The following PFDN1 variants were observed in gnomAD, a reference collection of about 807,000 sequenced individuals.
PFDN1 encodes the protein prefoldin subunit 1.
In PFDN1, 6 loss-of-function variants were observed where a neutral mutation model predicts 17.3. The observed-to-expected ratio is 0.35, with a 90% CI of 0.19 to 0.69. The LOEUF is 0.69. Among genes scored for constraint, PFDN1 ranks in the 30% least tolerant of loss-of-function variants. PFDN1 has a pLI of 0.65. For missense variants in PFDN1, 113 were observed against 146.2 expected (o/e 0.77, Z 1.17); for synonymous variants, 58 against 50.1 (o/e 1.16, Z -0.67).
intron 3 of PFDN1, among the ~76,000 whole-genome samples, chr5:140,272,224 T>A (rs1483661389): frequency 6.6e-6 from 1 of 152,010 alleles, no homozygotes; most frequent in Non-Finnish European, 1.5e-5. Context: ...TTCACCATAT[T>A]GGCCAGGCTG....
chr5:140,278,572 A>AC (rs1561508644), intron 3 of PFDN1, among the ~76,000 whole-genome samples: 10 of 150,336 alleles, frequency 6.7e-5, no homozygotes, highest in Non-Finnish European at 1.0e-4. Flanking sequence ...AAAAAAAAAA[A>AC]AAAAAAAAAA....
intron 2 of PFDN1, among the ~76,000 whole-genome samples, chr5:140,283,480 G>C (rs184252932): frequency 6.2e-4 from 95 of 152,224 alleles, no homozygotes; most frequent in African/African-American, 2.2e-3. Flanking sequence ...TGATCTGCCC[G>C]CCTCGGCCTC....
At chr5:140,282,466 G>A (rs1393289262) in intron 2 of PFDN1, among the ~76,000 whole-genome samples, 1 of 148,214 alleles carries the variant, frequency 6.7e-6, no homozygotes, top group Non-Finnish European at 1.5e-5. Context: ...ATCAAGCACT[G>A]TGTTAGGATC....
At chr5:140,275,512 A>G (rs948205026) in intron 3 of PFDN1, among the ~76,000 whole-genome samples, 5 of 152,148 alleles carry the variant, frequency 3.3e-5, no homozygotes, top group Non-Finnish European at 7.4e-5. Flanking sequence ...ACCCCTGCCT[A>G]TAAGAGACAA....
chr5:140,287,297 C>A (rs908914694), intron 2 of PFDN1, among the ~76,000 whole-genome samples: 1 of 152,162 alleles, frequency 6.6e-6, no homozygotes, highest in Non-Finnish European at 1.5e-5. Flanking sequence ...ATCGAAGAGT[C>A]GGAGATATCA....
chr5:140,289,504 T>A (rs1218393982), intron 2 of PFDN1, among the ~76,000 whole-genome samples: 1 of 152,130 alleles, frequency 6.6e-6, no homozygotes. Flanking sequence ...AACTACTGTA[T>A]CCATAAATCC....
intron 2 of PFDN1, among the ~76,000 whole-genome samples, chr5:140,292,291 C>T (rs1311195488): frequency 1.3e-5 from 2 of 152,022 alleles, no homozygotes; most frequent in Non-Finnish European, 2.9e-5. Flanking sequence ...AATTACTATC[C>T]AATGAGTATT....
chr5:140,279,786 G>A (rs1021162456), intron 3 of PFDN1, among the ~76,000 whole-genome samples: 7 of 151,768 alleles, frequency 4.6e-5, no homozygotes, highest in African/African-American at 1.4e-4. Context: ...ATCTGAGGTC[G>A]GGAGTTCGAG....
At chr5:140,284,233 A>G (rs1314847713) in intron 2 of PFDN1, among the ~76,000 whole-genome samples, 1 of 152,240 alleles carries the variant, frequency 6.6e-6, no homozygotes, top group Non-Finnish European at 1.5e-5. Context: ...AAGCTGGCCA[A>G]CTTACTACTA....
intron 3 of PFDN1, among the ~76,000 whole-genome samples, chr5:140,259,849 T>C (rs536775891): frequency 6.6e-6 from 1 of 152,308 alleles, no homozygotes; most frequent in East Asian, 1.9e-4. Flanking sequence ...AGCTCCAGAA[T>C]TCCTATTTTC....
chr5:140,252,207 T>C (rs891720207), intron 3 of PFDN1, among the ~76,000 whole-genome samples: 2 of 151,426 alleles, frequency 1.3e-5, no homozygotes, highest in African/African-American at 4.9e-5. Context: ...ACAAAACAGG[T>C]TAAATGGAGC....
At chr5:140,276,779 T>TTAAA (rs1376020882) in intron 3 of PFDN1, among the ~76,000 whole-genome samples, 1 of 24,730 alleles carries the variant, frequency 4.0e-5, no homozygotes, top group Non-Finnish European at 6.7e-5. Flanking sequence ...AGACACCGTC[T>TTAAA]CAAAAAAAAA....
At chr5:140,259,157 G>C (rs1765029119) in intron 3 of PFDN1, among the ~76,000 whole-genome samples, 1 of 152,174 alleles carries the variant, frequency 6.6e-6, no homozygotes, top group African/African-American at 2.4e-5. Context: ...CGTCAGAAAT[G>C]GTTGGGGGCT....
chr5:140,289,237 A>G (rs1361711718), intron 2 of PFDN1, among the ~76,000 whole-genome samples: 1 of 152,066 alleles, frequency 6.6e-6, no homozygotes, highest in Non-Finnish European at 1.5e-5. Flanking sequence ...AGTAAGCCAC[A>G]ATCACACTAC....
chr5:140,252,534 G>A (rs2126678709), intron 3 of PFDN1, among the ~76,000 whole-genome samples: 1 of 152,248 alleles, frequency 6.6e-6, no homozygotes, highest in East Asian at 1.9e-4. Context: ...AAAAACTGAA[G>A]GCAATGGCCA....
chr5:140,291,285 G>A (rs1277106625), intron 2 of PFDN1, among the ~76,000 whole-genome samples: 1 of 152,188 alleles, frequency 6.6e-6, no homozygotes, highest in Non-Finnish European at 1.5e-5. Context: ...CAGGGTGGTG[G>A]TAAGTAGAAG....
At chr5:140,248,072 CTTT>C (rs113993165) in intron 3 of PFDN1, among the ~76,000 whole-genome samples, 2 of 143,000 alleles carry the variant, frequency 1.4e-5, no homozygotes, top group Admixed American at 6.9e-5. Context: ...ATAAACAACT[CTTT>C]TTTTTTTTTT....
At chr5:140,272,958 A>AAGC (rs1294487251) in intron 3 of PFDN1, among the ~76,000 whole-genome samples, 1 of 152,238 alleles carries the variant, frequency 6.6e-6, no homozygotes, top group Non-Finnish European at 1.5e-5. Context: ...ACTGCTGGGC[A>AAGC]TATGTCTTGT....
At chr5:140,268,505 GT>G (rs1343532704) in intron 3 of PFDN1, among the ~76,000 whole-genome samples, 1 of 152,040 alleles carries the variant, frequency 6.6e-6, no homozygotes, top group African/African-American at 2.4e-5. Context: ...AAATTAGCCG[GT>G]TATGGTGGCG....
Sources: gnomAD v4.1 joint callset for allele counts (sites outside exome capture counted in the v4.1 genomes callset) on GRCh38, gnomAD v4.1.1 for gene constraint, MANE v1.5 for transcripts, NCBI Gene and HGNC (gene_info 2026-07-23, HGNC 2026-07-21) for gene names.